ZDHHC5: variants seen among roughly 807,000 people sequenced by gnomAD.
ZDHHC5 encodes palmitoyltransferase ZDHHC5.
In ZDHHC5, 22 loss-of-function variants were observed where a neutral mutation model predicts 70.0. The observed-to-expected ratio is 0.31, with a 90% confidence interval of 0.22 to 0.45. The LOEUF is 0.45. ZDHHC5 is among the 20% of genes least tolerant of loss of function. The pLI, the probability that ZDHHC5 is intolerant of heterozygous loss-of-function variation, is 1.00. For missense variants in ZDHHC5, 746 were observed against 926.9 expected, an observed-to-expected ratio of 0.80 and a Z score of 2.53; for synonymous variants, 313 against 347.8, an observed-to-expected ratio of 0.90 and a Z score of 1.11.
intron 7 of ZDHHC5, 116 bp downstream of exon 7, chr11:57,692,818 A>G: frequency 2.0e-6 from 2 of 981,460 alleles, no homozygotes; most frequent in Non-Finnish European, 3.0e-6. Flanking sequence ...TCTCTATCTT[A>G]GAATGTTAAG....
intron 1 of ZDHHC5, among the ~76,000 whole-genome samples, chr11:57,670,645 C>T (rs1050658274): frequency 6.6e-6 from 1 of 151,992 alleles, no homozygotes; most frequent in Non-Finnish European, 1.5e-5. Flanking sequence ...ATAACAGTTT[C>T]TTAGAATCTT....
At chr11:57,696,555 A>C (rs1301457330) in intron 9 of ZDHHC5, among the ~76,000 whole-genome samples, 1 of 152,018 alleles carries the variant, frequency 6.6e-6, no homozygotes, top group Admixed American at 6.6e-5. Flanking sequence ...GTCTCTACAA[A>C]AAATTTAAAA....
In ZDHHC5 at chr11:57,688,522, G is replaced by T; in HGVS notation, c.241G>T (p.Asp81Tyr). The stretch of plus-strand genomic sequence containing the variant: ...CCTCTCTACAGCTGAGGAGGATGAG[G>T]ACAAGGAAGATGATTTCCGAGCTCC... ...GIFPRAEEDE[D>Y]KEDDFRAPLY... The change falls in exon 4 of 12, where the codon GAC becomes TAC. Residue 81 changes from aspartate to tyrosine, a missense_variant. By Grantham distance (160) the Asp-to-Tyr change is radical. Coordinates refer to ENST00000287169, the MANE Select transcript of ZDHHC5 (RefSeq NM_015457.3). 6.3e-7 allele frequency: 1 copy of T among 1,595,250 alleles called. No homozygotes were observed. The highest frequency in any genetic ancestry group is 8.6e-7 in the Non-Finnish European group (1 of 1,169,568).
chr11:57,687,890 C>T (rs1027131734), intron 3 of ZDHHC5, among the ~76,000 whole-genome samples: 1 of 150,340 alleles, frequency 6.7e-6, no homozygotes, highest in Non-Finnish European at 1.5e-5. Flanking sequence ...CTTGCCTTAG[C>T]CTCCTGAGTA....
At chr11:57,674,273 TATTGGA>T (rs1391333484) in intron 2 of ZDHHC5, among the ~76,000 whole-genome samples, 1 of 152,160 alleles carries the variant, frequency 6.6e-6, no homozygotes, top group Non-Finnish European at 1.5e-5. Flanking sequence ...ATTTACTTGT[TATTGGA>T]AGAGACTGAG....
At chr11:57,682,277 A>G in intron 2 of ZDHHC5, 145 bp from the exon 3 acceptor site, 1 of 1,111,106 alleles carries the variant, frequency 9.0e-7, no homozygotes, top group Admixed American at 3.0e-5. Context: ...AGTGGGAAAG[A>G]TAAAGATAAT....
At chr11:57,699,694 G>A (rs76062648) in intron 11 of ZDHHC5, among the ~76,000 whole-genome samples, 172 bp from the exon 12 acceptor site, 3,666 of 152,346 alleles carry the variant, frequency 0.024, 67 homozygotes, top group Non-Finnish European at 0.035. Flanking sequence ...GTACATAGGA[G>A]AGATTGGGAA....
chr11:57,697,828 C>CA (rs1010913426), intron 10 of ZDHHC5, among the ~76,000 whole-genome samples: 1,700 of 26,260 alleles, frequency 0.065, 49 homozygotes, highest in Non-Finnish European at 0.081. Flanking sequence ...GACTACACCT[C>CA]AAAAAAAAAA....
intron 8 of ZDHHC5, among the ~76,000 whole-genome samples, chr11:57,695,455 A>G (rs554260300): frequency 2.8e-4 from 42 of 152,148 alleles, no homozygotes; most frequent in African/African-American, 9.6e-4. Context: ...ATCTAATGCT[A>G]TACCCAAACT....
chr11:57,690,253 G>C (rs1041666637), intron 5 of ZDHHC5, 50 bp downstream of exon 5: 3 of 1,613,446 alleles, frequency 1.9e-6, no homozygotes, highest in Admixed American at 3.3e-5. Context: ...GGAGGAATGA[G>C]GGCTAAAGGG....
chr11:57,680,768 C>T (rs686054), intron 2 of ZDHHC5, among the ~76,000 whole-genome samples: 1,976 of 152,180 alleles, frequency 0.013, 65 homozygotes, highest in African/African-American at 0.044. Context: ...TGGGGTGAGG[C>T]GGTGCAGGAA....
At chr11:57,686,833 G>GTT (rs57661352) in intron 3 of ZDHHC5, among the ~76,000 whole-genome samples, 75 of 142,430 alleles carry the variant, frequency 5.3e-4, no homozygotes, top group Non-Finnish European at 5.7e-4. Flanking sequence ...GTGTGTGTGT[G>GTT]TTTTTTTTTT....
rs753982730 is a variant in ZDHHC5 at position 57,690,362 on chromosome 11, A to T, written c.585A>T (p.Leu195Phe). Residue 195 changes from leucine to phenylalanine, a missense_variant, in exon 6 of 12, where the codon TTA becomes TTT. Leu to Phe is a conservative substitution (Grantham distance 22). Around this residue, in one of 6 missense-constraint regions of ZDHHC5, gnomAD observed 114 missense variants for 179.3 expected, o/e 0.64. Coordinates refer to ENST00000287169, the MANE Select transcript of ZDHHC5 (RefSeq NM_015457.3). ...TGGCAGTAATGTGTGTGGCTGGCTT[A>T]TTCTTCATCCCTGTAGCTGGCCTCA... Reference protein sequence around the residue: ...VTMAVMCVAGLFFIPVAGLTG... With the variant: ...VTMAVMCVAGFFFIPVAGLTG... The T allele has an allele frequency of 2.5e-6, 4 of 1,614,046 alleles. No individual in the cohort carries two copies. Among genetic ancestry groups the T allele is most frequent in the Admixed American group, 1.7e-5 (1 of 60,002 alleles).
intron 10 of ZDHHC5, 40 bp downstream of exon 10, chr11:57,696,913 C>T: frequency 6.3e-7 from 1 of 1,594,654 alleles, no homozygotes; most frequent in Non-Finnish European, 8.6e-7. Context: ...AACATGCCAA[C>T]TGGCCAGGCA....
In ZDHHC5 at chr11:57,689,367, T is replaced by A. The variant is rs980188644; in HGVS notation, c.385-664T>A. ...CATTGAGAGCCGGCCTTGGTCTTTT[T>A]TATATATATATATATTTATTTATTT... On this transcript the variant is annotated intron_variant, in intron 4 of 11. Coordinates refer to ENST00000287169, the MANE Select transcript of ZDHHC5 (RefSeq NM_015457.3). Among the ~76,000 whole-genome samples, 27 of 151,086 alleles carry A rather than the reference T, an allele frequency of 1.8e-4. No homozygotes were observed. In the East Asian group the frequency reaches 2.5e-3, roughly 14 times the overall value.
At chr11:57,696,189 T>C in intron 9 of ZDHHC5, 146 bp downstream of exon 9, 2 of 1,334,008 alleles carry the variant, frequency 1.5e-6, no homozygotes, top group South Asian at 3.3e-5. Context: ...TGTGCTACTT[T>C]GCAACTGAAA....
chr11:57,688,820 G>C (rs1003154395), intron 4 of ZDHHC5, among the ~76,000 whole-genome samples, 155 bp downstream of exon 4: 2 of 152,204 alleles, frequency 1.3e-5, no homozygotes, highest in African/African-American at 4.8e-5. Context: ...TAATGACATG[G>C]CATGAGAGGC....
In ZDHHC5 at chr11:57,672,952, A is replaced by C. The variant is rs967476744; in HGVS notation, c.-139A>C. 5 of 670,722 alleles carry C rather than the reference A, an allele frequency of 7.5e-6. No homozygotes were observed. The highest frequency in any genetic ancestry group is 1.8e-5 in the African/African-American group (1 of 55,072). 41.5% of individuals were successfully genotyped at this position (670,722 alleles called of 1,614,324 possible). A position where few individuals can be genotyped will look rare whatever the true frequency, so the allele number is the denominator to read the frequency against. On this transcript the variant is annotated 5_prime_UTR_variant, in exon 2 of 12. Coordinates refer to ENST00000287169, the MANE Select transcript of ZDHHC5 (RefSeq NM_015457.3). ...CCTTTGGCTTTATTTGGGAGGGGGAAGGGTGATAAAGTTTTCTGTTTCCCT... is the reference window on the plus strand; with the variant it reads ...CCTTTGGCTTTATTTGGGAGGGGGACGGGTGATAAAGTTTTCTGTTTCCCT...
At chr11:57,692,193 A>G (rs766074719) in intron 6 of ZDHHC5, among the ~76,000 whole-genome samples, 3 of 151,910 alleles carry the variant, frequency 2.0e-5, no homozygotes, top group Non-Finnish European at 4.4e-5. Flanking sequence ...GTTTTTATAT[A>G]TTTTTATAGT....
Sources: gnomAD v4.1 joint callset for allele counts (sites outside exome capture counted in the v4.1 genomes callset) on GRCh38, gnomAD v4.1.1 for gene constraint, gnomAD v4.1.1 regional missense constraint, MANE v1.5 for transcripts, NCBI Gene and HGNC (gene_info 2026-07-23, HGNC 2026-07-21) for gene names.